Variants in TRAPPC12 observed in about 807,000 individuals in gnomAD.
TRAPPC12 encodes TPR repeat protein 15.
A neutral mutation model predicts 69.2 loss-of-function variants in TRAPPC12; 61 were observed. That is an observed-to-expected ratio of 0.88 (90% CI 0.72 to 1.09). The LOEUF (loss-of-function observed/expected upper bound fraction) is 1.09, where lower values mean the gene tolerates loss of function less well. Ranked by LOEUF, TRAPPC12 falls within the 50% of genes least tolerant of loss-of-function variation. The pLI is 0.00. For missense variants in TRAPPC12, 1,101 were observed against 1,016.4 expected (o/e 1.08, Z -1.13); for synonymous variants, 469 against 438.9 (o/e 1.07, Z -0.86).
chr2:3,407,344 C>CA (rs1000319072), intron 3 of TRAPPC12, among the ~76,000 whole-genome samples: 10 of 151,868 alleles, frequency 6.6e-5, no homozygotes, highest in African/African-American at 2.4e-4. Flanking sequence ...GTACTCCTAG[C>CA]AAAAAAACGT....
intron 2 of TRAPPC12, among the ~76,000 whole-genome samples, chr2:3,394,438 C>T (rs187967630): frequency 1.3e-3 from 199 of 152,082 alleles, no homozygotes; most frequent in Middle Eastern, 6.8e-3. Context: ...CTGGCTAACA[C>T]GGTGAAACCC....
intron 5 of TRAPPC12, among the ~76,000 whole-genome samples, chr2:3,438,957 A>C (rs964088558): frequency 1.3e-5 from 2 of 152,078 alleles, no homozygotes; most frequent in African/African-American, 4.8e-5. Context: ...TCCTTGGGTA[A>C]ATCTCTAGGA....
chr2:3,381,580 A>G (rs1166136751), intron 1 of TRAPPC12, among the ~76,000 whole-genome samples: 3 of 152,214 alleles, frequency 2.0e-5, no homozygotes, highest in Admixed American at 6.5e-5. Flanking sequence ...AATAAAGCCA[A>G]TGATAGGAGG....
chr2:3,477,638 G>A (rs1367026190), intron 9 of TRAPPC12, 57 bp from the exon 10 acceptor site: 2 of 1,009,588 alleles, frequency 2.0e-6, no homozygotes, highest in Non-Finnish European at 3.0e-6. Context: ...CTAAATATAT[G>A]AGTATAGACT....
At chr2:3,404,270 T>C (rs112505094) in intron 3 of TRAPPC12, among the ~76,000 whole-genome samples, 54 of 152,336 alleles carry the variant, frequency 3.5e-4, no homozygotes, top group Non-Finnish European at 6.9e-4. Flanking sequence ...CTTCTGATTT[T>C]AAACTTCTCT....
intron 1 of TRAPPC12, among the ~76,000 whole-genome samples, chr2:3,381,465 A>G (rs1460389503): frequency 1.3e-5 from 2 of 152,232 alleles, no homozygotes; most frequent in African/African-American, 2.4e-5. Context: ...TTCTTGTGCA[A>G]AGCCCTCAAC....
chr2:3,444,170 A>G (rs1434636867), intron 6 of TRAPPC12, among the ~76,000 whole-genome samples: 2 of 152,224 alleles, frequency 1.3e-5, no homozygotes, highest in Non-Finnish European at 2.9e-5. Flanking sequence ...CTTTCTTGCC[A>G]AGGCTGCCAG....
intron 3 of TRAPPC12, among the ~76,000 whole-genome samples, chr2:3,417,900 G>A (rs962964376): frequency 7.8e-5 from 8 of 102,596 alleles, no homozygotes; most frequent in Non-Finnish European, 1.3e-4. Context: ...AACTTTAGCC[G>A]GGCGTGGTGG....
intron 5 of TRAPPC12, among the ~76,000 whole-genome samples, chr2:3,433,042 G>GTTTGT (rs57828281): frequency 0.026 from 3,989 of 152,184 alleles, 156 homozygotes; most frequent in African/African-American, 0.091. Flanking sequence ...TTTGTGTTTG[G>GTTTGT]TTTGTTTTGT....
intron 6 of TRAPPC12, chr2:3,455,410 T>G (rs1239806760): frequency 6.6e-6 from 1 of 152,206 alleles, no homozygotes; most frequent in African/African-American, 2.4e-5. Flanking sequence ...AACGTACACT[T>G]AAATTACTGT....
chr2:3,410,355 C>T (rs1661992402), intron 3 of TRAPPC12, among the ~76,000 whole-genome samples: 1 of 151,584 alleles, frequency 6.6e-6, no homozygotes, highest in Admixed American at 6.6e-5. Flanking sequence ...TTTACATTTC[C>T]CAAAGAAATG....
At chr2:3,449,810 T>G (rs1295347977) in intron 6 of TRAPPC12, among the ~76,000 whole-genome samples, 1 of 152,172 alleles carries the variant, frequency 6.6e-6, no homozygotes, top group East Asian at 1.9e-4. Context: ...GCCCTTCTTT[T>G]CTGCTGCTTC....
In TRAPPC12 at chr2:3,478,927, C is replaced by T. The variant is rs146431205; in HGVS notation, c.1959C>T (p.Asn653=). 3.8e-5 allele frequency: 61 copies of T among 1,613,860 alleles called. No individual in the cohort carries two copies. Among genetic ancestry groups the T allele is most frequent in the African/African-American group, 2.4e-4 (18 of 74,928 alleles). The change falls in exon 11 of 12, where the codon AAC becomes AAT. Residue 653 remains asparagine, a synonymous_variant. Coordinates refer to ENST00000324266, the MANE Select transcript of TRAPPC12 (RefSeq NM_016030.6). ...FTEILRMDPR[N]AVANNNAAVC... ...AGATCTTAAGGATGGATCCAAGAAA[C>T]GCAGTGGTAAGATCCCCAAGCTGCA...
At chr2:3,463,559 T>A (rs1486917406) in intron 8 of TRAPPC12, among the ~76,000 whole-genome samples, 1 of 150,250 alleles carries the variant, frequency 6.7e-6, no homozygotes, top group Non-Finnish European at 1.5e-5. Context: ...AAAACCTGTC[T>A]TTTGTCATAC....
At chr2:3,427,149 C>G (rs924556716) in intron 5 of TRAPPC12, among the ~76,000 whole-genome samples, 6 of 152,300 alleles carry the variant, frequency 3.9e-5, no homozygotes, top group African/African-American at 9.6e-5. Context: ...AGCTGTTTTC[C>G]TATTTCTTAC....
intron 5 of TRAPPC12, among the ~76,000 whole-genome samples, chr2:3,427,703 C>G (rs529742711): frequency 1.3e-5 from 2 of 152,266 alleles, no homozygotes; most frequent in East Asian, 3.9e-4. Flanking sequence ...CCAGCCTGGC[C>G]AACATGGCAA....
At chr2:3,397,812 T>C (rs911872469) in intron 2 of TRAPPC12, among the ~76,000 whole-genome samples, 9 of 152,206 alleles carry the variant, frequency 5.9e-5, no homozygotes, top group African/African-American at 2.2e-4. Context: ...AAAATAAGAA[T>C]GTTGGGAAAG....
At chr2:3,398,933 A>C (rs539091247) in intron 2 of TRAPPC12, among the ~76,000 whole-genome samples, 1 of 152,334 alleles carries the variant, frequency 6.6e-6, no homozygotes, top group South Asian at 2.1e-4. Context: ...GTAGTAGCAC[A>C]GCTCTCTAGA....
At chr2:3,441,877 A>G (rs997750980) in intron 5 of TRAPPC12, among the ~76,000 whole-genome samples, 8 of 152,118 alleles carry the variant, frequency 5.3e-5, no homozygotes, top group Admixed American at 4.6e-4. Flanking sequence ...AAATTTTGAT[A>G]AGTTGTATTT....
Sources: gnomAD v4.1 joint callset for allele counts (sites outside exome capture counted in the v4.1 genomes callset) on GRCh38, gnomAD v4.1.1 for gene constraint, MANE v1.5 for transcripts, NCBI Gene and HGNC (gene_info 2026-07-23, HGNC 2026-07-21) for gene names.